Variants in SLAIN2 observed in about 807,000 individuals in gnomAD.
SLAIN2 encodes SLAIN motif-containing protein 2.
Under a neutral mutation model 56.6 loss-of-function variants are expected in SLAIN2, and 31 were observed. The ratio of observed to expected loss-of-function variants is 0.55; its 90% confidence interval spans 0.41 to 0.74. The LOEUF (loss-of-function observed/expected upper bound fraction) is 0.74. Ranked by LOEUF, SLAIN2 falls within the 30% of genes least tolerant of loss-of-function variation. SLAIN2 has a pLI of 0.00. For synonymous variants in SLAIN2, 317 were observed against 284.9 expected (o/e 1.11, Z -1.13); for missense variants, 777 against 754.2 (o/e 1.03, Z -0.35).
chr4:48,411,576 T>C (rs1458177612), intron 6 of SLAIN2, among the ~76,000 whole-genome samples: 4 of 151,004 alleles, frequency 2.6e-5, no homozygotes, highest in Non-Finnish European at 5.9e-5. Flanking sequence ...AATGTCCCTG[T>C]TCTGCTCTAT....
In SLAIN2 at chr4:48,382,560, G is replaced by T; in HGVS notation, c.863-8G>T. The T allele has an allele frequency of 6.5e-7, 1 of 1,542,410 alleles. No homozygotes were observed. Among genetic ancestry groups the T allele is most frequent in the Non-Finnish European group, 8.8e-7 (1 of 1,137,998 alleles). On this transcript the variant is annotated splice_polypyrimidine_tract_variant and splice_region_variant and intron_variant, in intron 4 of 7. Coordinates refer to ENST00000264313, the MANE Select transcript of SLAIN2 (RefSeq NM_020846.2). ...ATTGTTTAAATAAATAACATTCATT[G>T]TTGCCAGGTCTCCGGCAAGAATATG...
At chr4:48,400,264 C>A (rs1319460219) in intron 6 of SLAIN2, among the ~76,000 whole-genome samples, 1 of 151,692 alleles carries the variant, frequency 6.6e-6, no homozygotes, top group East Asian at 1.9e-4. Flanking sequence ...TTATCTATTT[C>A]TTCTAGATTT....
intron 1 of SLAIN2, among the ~76,000 whole-genome samples, chr4:48,343,737 C>T (rs1714788617): frequency 2.6e-5 from 4 of 152,162 alleles, no homozygotes; most frequent in Admixed American, 2.0e-4. Flanking sequence ...GTATTTGTAA[C>T]TCTCAGGAAG....
intron 1 of SLAIN2, among the ~76,000 whole-genome samples, chr4:48,367,057 A>G (rs1286196312): frequency 6.6e-6 from 1 of 152,226 alleles, no homozygotes; most frequent in Non-Finnish European, 1.5e-5. Flanking sequence ...TGTTATTACA[A>G]ATAGGTTTAT....
intron 6 of SLAIN2, among the ~76,000 whole-genome samples, chr4:48,410,317 T>A (rs1716810323): frequency 1.3e-5 from 2 of 152,018 alleles, no homozygotes; most frequent in South Asian, 4.2e-4. Flanking sequence ...CATTCCTTTA[T>A]ATATTCTGGA....
chr4:48,344,690 CT>C lies in SLAIN2; in HGVS notation c.389+2564del, dbSNP rs535136275. Among the ~76,000 whole-genome samples the C allele has an allele frequency of 1.6e-3, 248 of 151,822 alleles. 1 individual carries two copies. Among genetic ancestry groups the C allele is most frequent in the African/African-American group, 5.4e-3 (223 of 41,424 alleles). ...GCTCTACAGCAGTCACTTTCATACT[CT>C]TCTTTTTTTTTTTGGACCCAGCTTC... is the stretch of plus-strand genomic sequence containing the variant. On this transcript the variant is annotated intron_variant, in intron 1 of 7. Transcript: ENST00000264313.
At chr4:48,397,927 G>A (rs1423835192) in intron 6 of SLAIN2, among the ~76,000 whole-genome samples, 2 of 152,110 alleles carry the variant, frequency 1.3e-5, no homozygotes. Flanking sequence ...TGGGTTGATT[G>A]CATGTCTTTG....
intron 6 of SLAIN2, among the ~76,000 whole-genome samples, chr4:48,384,553 C>T (rs1455010713): frequency 6.6e-6 from 1 of 152,086 alleles, no homozygotes; most frequent in Non-Finnish European, 1.5e-5. Context: ...AATTATCTTT[C>T]AGAAAACAAA....
At chr4:48,370,308 T>G (rs1460731741) in intron 2 of SLAIN2, among the ~76,000 whole-genome samples, 1 of 152,218 alleles carries the variant, frequency 6.6e-6, no homozygotes, top group East Asian at 1.9e-4. Context: ...ATGTCTGGTA[T>G]TGTATAAAAT....
At chr4:48,391,303 G>C (rs1716231300) in intron 6 of SLAIN2, among the ~76,000 whole-genome samples, 1 of 152,028 alleles carries the variant, frequency 6.6e-6, no homozygotes, top group African/African-American at 2.4e-5. Flanking sequence ...CCTGTATCAG[G>C]GGAGACTTTA....
In SLAIN2 at chr4:48,371,272, C is replaced by T. The variant is rs553146434; in HGVS notation, c.538+1275C>T. On this transcript the variant is annotated intron_variant, in intron 2 of 7. Transcript: ENST00000264313. ...ATTTTTTGTAGAGATGGGATTTTAC[C>T]GTGTTAGCCAGGCTGGTCTTGAACT... is the stretch of plus-strand genomic sequence containing the variant. 1.0e-3 allele frequency among the ~76,000 whole-genome samples: 155 copies of T among 152,028 alleles called. 1 individual carries two copies. The highest frequency in any genetic ancestry group is 3.7e-3 in the African/African-American group (153 of 41,460).
intron 1 of SLAIN2, among the ~76,000 whole-genome samples, chr4:48,365,194 TGCAGTG>T (rs1715480499): frequency 6.6e-6 from 1 of 152,016 alleles, no homozygotes; most frequent in African/African-American, 2.4e-5. Flanking sequence ...ATTGGCCTGG[TGCAGTG>T]GCTCATGCCT....
At chr4:48,343,930 C>T (rs1157471893) in intron 1 of SLAIN2, among the ~76,000 whole-genome samples, 2 of 152,186 alleles carry the variant, frequency 1.3e-5, no homozygotes, top group East Asian at 3.8e-4. Flanking sequence ...AATATTGTCA[C>T]ATGGCTCTTG....
intron 6 of SLAIN2, among the ~76,000 whole-genome samples, chr4:48,396,814 A>G (rs907973357): frequency 6.6e-5 from 10 of 152,216 alleles, no homozygotes; most frequent in African/African-American, 2.4e-4. Context: ...AATTGGAAAT[A>G]TAGTCACTTT....
chr4:48,419,971 T>C (rs994341369), intron 6 of SLAIN2, among the ~76,000 whole-genome samples, 154 bp from the exon 7 acceptor site: 3 of 152,216 alleles, frequency 2.0e-5, no homozygotes, highest in Non-Finnish European at 4.4e-5. Flanking sequence ...TTTTTTTCTT[T>C]TAGTAGCCCA....
At chr4:48,365,032 C>G (rs1256420221) in intron 1 of SLAIN2, among the ~76,000 whole-genome samples, 1 of 152,176 alleles carries the variant, frequency 6.6e-6, no homozygotes, top group South Asian at 2.1e-4. Flanking sequence ...ATTTTATTAG[C>G]ATTAGGTTGT....
chr4:48,348,140 A>G (rs1405713573), intron 1 of SLAIN2, among the ~76,000 whole-genome samples: 2 of 152,190 alleles, frequency 1.3e-5, no homozygotes, highest in African/African-American at 4.8e-5. Flanking sequence ...TTACTTATAT[A>G]ACTAACTGTT....
At chr4:48,342,216 C>A in intron 1 of SLAIN2, 88 bp downstream of exon 1, 2 of 1,312,396 alleles carry the variant, frequency 1.5e-6, no homozygotes, top group Admixed American at 4.1e-5. Context: ...TCGGGCGCCT[C>A]GCTTTGTGTA....
At chr4:48,372,505 A>G (rs554865274) in intron 2 of SLAIN2, among the ~76,000 whole-genome samples, 70 of 152,334 alleles carry the variant, frequency 4.6e-4, no homozygotes, top group African/African-American at 1.5e-3. Context: ...CCTGAAGGCT[A>G]TATTTTACCA....
Sources: allele counts gnomAD v4.1 joint callset (sites outside exome capture counted in the v4.1 genomes callset), GRCh38; gene constraint gnomAD v4.1.1; transcripts MANE v1.5; gene names NCBI Gene and HGNC (gene_info 2026-07-23, HGNC 2026-07-21).